PLA2G5: variants seen among roughly 807,000 people sequenced by gnomAD.
The protein encoded by PLA2G5 is Ca2+-dependent phospholipase A2.
Under a neutral mutation model 15.9 loss-of-function variants are expected in PLA2G5, and 12 were observed. The ratio of observed to expected loss-of-function variants is 0.76; its 90% CI spans 0.48 to 1.23. PLA2G5 has a LOEUF of 1.23. Among genes scored for constraint, PLA2G5 ranks in the 50% most tolerant of loss-of-function variants. The pLI, the probability that PLA2G5 is intolerant of heterozygous loss-of-function variation, is 0.00. For synonymous variants in PLA2G5, 71 were observed against 71.4 expected, an observed-to-expected ratio of 0.99 and a Z score of 0.03; for missense variants, 169 against 177.1, an observed-to-expected ratio of 0.95 and a Z score of 0.26.
At chr1:20,040,945 G>A (rs951150604) in intron 1 of PLA2G5, among the ~76,000 whole-genome samples, 1 of 152,198 alleles carries the variant, frequency 6.6e-6, no homozygotes, top group Admixed American at 6.5e-5. Context: ...GACCGAGCCA[G>A]TGTTCATCTT....
intron 1 of PLA2G5, among the ~76,000 whole-genome samples, chr1:20,048,037 C>G (rs556431868): frequency 6.6e-6 from 1 of 152,136 alleles, no homozygotes; most frequent in South Asian, 2.1e-4. Context: ...GTTTTTATGA[C>G]TCTATAAGAT....
rs184784265 is a variant in PLA2G5 at position 20,040,485 on chromosome 1, T to C, written n.276+11776T>C. 8.5e-4 allele frequency among the ~76,000 whole-genome samples: 129 copies of C among 152,256 alleles called. 1 individual carries two copies. Among genetic ancestry groups the C allele is most frequent in the African/African-American group, 3.1e-3 (128 of 41,530 alleles). On this transcript the variant is annotated intron_variant and non_coding_transcript_variant, in intron 1 of 6. Coordinates refer to the PLA2G5 transcript ENST00000460175. ...CTGAGATGTCATGGTTCTTTTCTTT[T>C]TCCTTTTTCTCAAAATGACATTTAG...
At chr1:20,082,988 G>A (rs1350200762) in intron 1 of PLA2G5, among the ~76,000 whole-genome samples, 1 of 152,014 alleles carries the variant, frequency 6.6e-6, no homozygotes, top group African/African-American at 2.4e-5. Context: ...TAAAAGGACA[G>A]ACACCGGGCC....
intron 1 of PLA2G5, among the ~76,000 whole-genome samples, chr1:20,075,774 G>A (rs2015629999): frequency 6.6e-6 from 1 of 152,062 alleles, no homozygotes; most frequent in South Asian, 2.1e-4. Flanking sequence ...TCTTGGCAAT[G>A]GCCAGTTGTT....
chr1:20,078,971 C>G (rs1160631394), intron 1 of PLA2G5, among the ~76,000 whole-genome samples: 2 of 151,876 alleles, frequency 1.3e-5, no homozygotes, highest in Non-Finnish European at 2.9e-5. Flanking sequence ...ATTAGCCAGG[C>G]ATGGTGGTGC....
chr1:20,029,643 G>A (rs1202029163), intron 1 of PLA2G5, among the ~76,000 whole-genome samples: 1 of 152,084 alleles, frequency 6.6e-6, no homozygotes, highest in Non-Finnish European at 1.5e-5. Context: ...CCTCTACCCA[G>A]CACGTCCCTT....
chr1:20,077,454 G>A (rs1383370282), intron 1 of PLA2G5, among the ~76,000 whole-genome samples: 3 of 152,166 alleles, frequency 2.0e-5, no homozygotes, highest in Non-Finnish European at 2.9e-5. Context: ...CAGAGGAGTC[G>A]TGCATTCACT....
chr1:20,030,228 C>T (rs1048729944), intron 1 of PLA2G5, among the ~76,000 whole-genome samples: 2 of 151,728 alleles, frequency 1.3e-5, no homozygotes, highest in Non-Finnish European at 2.9e-5. Flanking sequence ...TCTACTATCT[C>T]GGTGAGGGGG....
chr1:20,040,141 AT>A (rs1172888894), intron 1 of PLA2G5, among the ~76,000 whole-genome samples: 35 of 152,192 alleles, frequency 2.3e-4, no homozygotes, highest in African/African-American at 8.0e-4. Flanking sequence ...TTCCTTTGTT[AT>A]TTAGAAAGTT....
At chr1:20,077,832 T>C (rs1345989986) in intron 1 of PLA2G5, among the ~76,000 whole-genome samples, 3 of 152,210 alleles carry the variant, frequency 2.0e-5, no homozygotes, top group Non-Finnish European at 2.9e-5. Flanking sequence ...GACATTGTGC[T>C]TTCTCCTGGT....
At chr1:20,042,619 C>G (rs966064217) in intron 1 of PLA2G5, among the ~76,000 whole-genome samples, 8 of 152,020 alleles carry the variant, frequency 5.3e-5, no homozygotes, top group African/African-American at 1.9e-4. Flanking sequence ...GATTTAGGAT[C>G]TATGGGGTCA....
chr1:20,035,573 T>A (rs1295224886), intron 1 of PLA2G5, among the ~76,000 whole-genome samples: 1 of 152,202 alleles, frequency 6.6e-6, no homozygotes, highest in Admixed American at 6.5e-5. Context: ...TCATGGAATA[T>A]CTTTTTCCAC....
In PLA2G5 at chr1:20,089,914, G is replaced by T; in HGVS notation, c.292+19G>T. On this transcript the variant is annotated intron_variant, in intron 4 of 4. Transcript: ENST00000375108. ...ACCTGCGGTAAGGCTGGGGCTTCCC[G>T]TTCGGGCCATTGGAAGAGCACCTGA... 2.5e-6 allele frequency: 4 copies of T among 1,575,846 alleles called. No individual in the cohort carries two copies. Among genetic ancestry groups the T allele is most frequent in the Non-Finnish European group, 3.5e-6 (4 of 1,149,376 alleles).
chr1:20,028,537 G>A (rs1257185696), exon 1 of PLA2G5: 1 of 152,132 alleles, frequency 6.6e-6, no homozygotes, highest in African/African-American at 2.4e-5. Flanking sequence ...GTCGAATTAG[G>A]GGCACTGTAA....
At chr1:20,065,171 C>T (rs1317784239) in intron 2 of PLA2G5, among the ~76,000 whole-genome samples, 1 of 152,112 alleles carries the variant, frequency 6.6e-6, no homozygotes, top group Non-Finnish European at 1.5e-5. Flanking sequence ...TATAGAGTTC[C>T]CATATACCGC....
At chr1:20,058,929 T>G (rs971511719) in intron 1 of PLA2G5, among the ~76,000 whole-genome samples, 2 of 151,850 alleles carry the variant, frequency 1.3e-5, no homozygotes, top group Non-Finnish European at 2.9e-5. Context: ...ATCCCAGCAC[T>G]TTGGGAGGCC....
intron 1 of PLA2G5, chr1:20,071,082 A>G (rs2015346347): frequency 6.6e-6 from 1 of 151,698 alleles, no homozygotes; most frequent in Non-Finnish European, 1.5e-5. Flanking sequence ...GATCAGGACA[A>G]CTCCGAGCTT....
intron 1 of PLA2G5, among the ~76,000 whole-genome samples, chr1:20,047,500 T>C (rs2013968512): frequency 1.3e-5 from 2 of 152,166 alleles, no homozygotes. Context: ...TTTGTGCACA[T>C]TTACATTGAG....
chr1:20,033,202 G>T (rs2013061190), intron 1 of PLA2G5, among the ~76,000 whole-genome samples: 1 of 152,134 alleles, frequency 6.6e-6, no homozygotes, highest in Non-Finnish European at 1.5e-5. Context: ...TTTGTTTTTG[G>T]CAATGATGAC....
Sources: gnomAD v4.1 joint callset for allele counts (sites outside exome capture counted in the v4.1 genomes callset) on GRCh38, gnomAD v4.1.1 for gene constraint, MANE v1.5 for transcripts, NCBI Gene and HGNC (gene_info 2026-07-23, HGNC 2026-07-21) for gene names.